ASTN1: variants seen among roughly 807,000 people sequenced by gnomAD.
The protein encoded by ASTN1 is astrotactin-1.
ASTN1 carries 41 observed loss-of-function variants against 140.7 expected under a neutral mutation model. The observed-to-expected ratio is 0.29, with a 90% CI of 0.23 to 0.38. The LOEUF is 0.38. Ranked by LOEUF, ASTN1 falls within the 10% of genes least tolerant of loss-of-function variation. The probability of loss-of-function intolerance (pLI) is 1.00; values close to 1 mark genes in which losing one functional copy is unlikely to be tolerated. For synonymous variants in ASTN1, 640 were observed against 652.2 expected (o/e 0.98, Z 0.29); for missense variants, 1,479 against 1,678.8 (o/e 0.88, Z 2.08).
At chr1:176,906,109 G>T (rs1354190264) in intron 16 of ASTN1, among the ~76,000 whole-genome samples, 1 of 152,216 alleles carries the variant, frequency 6.6e-6, no homozygotes, top group Non-Finnish European at 1.5e-5. Flanking sequence ...TTACCTCTGG[G>T]TGCCTCAAGC....
chr1:176,924,865 T>C (rs1670888998), intron 16 of ASTN1, among the ~76,000 whole-genome samples: 3 of 152,184 alleles, frequency 2.0e-5, no homozygotes, highest in South Asian at 2.1e-4. Flanking sequence ...CAGGTTAGGA[T>C]GCAAAACTCT....
rs1671910790 is a variant in ASTN1, at chr1:176,945,384, A to G, written c.2249+542T>C. Among the ~76,000 whole-genome samples the G allele has an allele frequency of 2.6e-5, 4 of 152,372 alleles. No homozygotes were observed. In the South Asian group the frequency reaches 8.3e-4, roughly 32 times the overall value. ...TAACATATTTTATAAAACATGAGAG[A>G]AGTAATATTTTATATTTTTTGCAAA... On this transcript the variant is annotated intron_variant, in intron 13 of 22. Transcript: ENST00000361833.
intron 2 of ASTN1, among the ~76,000 whole-genome samples, chr1:177,033,534 T>C (rs931687485): frequency 1.3e-5 from 2 of 152,174 alleles, no homozygotes; most frequent in Admixed American, 6.5e-5. Context: ...GGAAAAACCA[T>C]TGACAAATCT....
At chr1:176,925,099 C>T (rs909062378) in intron 16 of ASTN1, among the ~76,000 whole-genome samples, 4 of 152,270 alleles carry the variant, frequency 2.6e-5, no homozygotes, top group African/African-American at 9.6e-5. Context: ...TTCAATTCTG[C>T]ACATAAACTA....
chr1:177,041,339 A>T (rs941672094), intron 2 of ASTN1, among the ~76,000 whole-genome samples: 3 of 152,184 alleles, frequency 2.0e-5, no homozygotes, highest in African/African-American at 4.8e-5. Context: ...CATATAACCC[A>T]TGTGTATGGA....
rs147789014 is a variant in ASTN1, at chr1:176,986,244, A to G, written c.1524-21007T>C. Among the ~76,000 whole-genome samples the G allele has an allele frequency of 9.2e-3, 1,402 of 152,326 alleles. 27 individuals carry two copies. The highest frequency in any genetic ancestry group is 0.031 in the African/African-American group (1,273 of 41,558). The stretch of plus-strand genomic sequence containing the variant: ...AGGTCTAAATAAGAAATAACTGCAG[A>G]AAAGGGGTTCTGATCACTCCAGAGG... On this transcript the variant is annotated intron_variant, in intron 8 of 22. Transcript: ENST00000361833.
chr1:177,097,762 C>T (rs944953556), intron 1 of ASTN1, among the ~76,000 whole-genome samples: 1 of 152,032 alleles, frequency 6.6e-6, no homozygotes, highest in African/African-American at 2.4e-5. Context: ...CCACCCCAGA[C>T]CTTCAGTGAG....
chr1:177,000,479 A>C (rs1179874394), intron 8 of ASTN1, among the ~76,000 whole-genome samples: 1 of 152,208 alleles, frequency 6.6e-6, no homozygotes, highest in Admixed American at 6.5e-5. Context: ...TTTAGAAGAG[A>C]AGAGCCAGCA....
chr1:176,978,177 C>A (rs544383387), intron 8 of ASTN1, among the ~76,000 whole-genome samples: 27 of 152,180 alleles, frequency 1.8e-4, no homozygotes, highest in Admixed American at 1.6e-3. Context: ...TTACAAACAG[C>A]AAAGGTACCA....
intron 7 of ASTN1, among the ~76,000 whole-genome samples, chr1:177,020,667 T>G (rs915085024): frequency 2.0e-5 from 3 of 152,218 alleles, no homozygotes; most frequent in Non-Finnish European, 4.4e-5. Context: ...CATTCACAGG[T>G]CCTGGAGATG....
intron 1 of ASTN1, among the ~76,000 whole-genome samples, chr1:177,100,730 G>A (rs1680260213): frequency 6.6e-6 from 1 of 152,134 alleles, no homozygotes; most frequent in Non-Finnish European, 1.5e-5. Flanking sequence ...AGTATAAGTT[G>A]ATTACTGATG....
At chr1:176,955,286 C>T (rs1243967186) in intron 11 of ASTN1, among the ~76,000 whole-genome samples, 1 of 152,174 alleles carries the variant, frequency 6.6e-6, no homozygotes, top group Non-Finnish European at 1.5e-5. Context: ...CAAGGGACCA[C>T]TCTGCTGATA....
At chr1:177,004,123 T>C (rs1370950807) in intron 8 of ASTN1, among the ~76,000 whole-genome samples, 1 of 152,068 alleles carries the variant, frequency 6.6e-6, no homozygotes, top group African/African-American at 2.4e-5. Context: ...ACGAATTCAG[T>C]AAAGTCTAGG....
intron 9 of ASTN1, among the ~76,000 whole-genome samples, chr1:176,963,943 T>C (rs1672769477): frequency 6.6e-6 from 1 of 152,200 alleles, no homozygotes; most frequent in Non-Finnish European, 1.5e-5. Flanking sequence ...TTAGCTTCCC[T>C]GGGACAGACA....
chr1:176,953,781 C>T (rs1291379667), intron 11 of ASTN1, among the ~76,000 whole-genome samples: 1 of 152,074 alleles, frequency 6.6e-6, no homozygotes, highest in Admixed American at 6.6e-5. Flanking sequence ...CAAGGAAGGT[C>T]GTGTGTTCAA....
chr1:176,897,850 A>G (rs184252415), intron 16 of ASTN1, among the ~76,000 whole-genome samples: 3 of 152,270 alleles, frequency 2.0e-5, no homozygotes, highest in Non-Finnish European at 4.4e-5. Flanking sequence ...TCAAAGGGGA[A>G]GTAATATGCC....
intron 8 of ASTN1, among the ~76,000 whole-genome samples, chr1:176,993,417 A>G (rs1674282513): frequency 6.6e-6 from 1 of 152,202 alleles, no homozygotes; most frequent in African/African-American, 2.4e-5. Flanking sequence ...AAAAACAAGG[A>G]TGAGAACAGA....
intron 8 of ASTN1, among the ~76,000 whole-genome samples, chr1:176,997,612 A>G (rs776835622): frequency 5.9e-5 from 9 of 152,054 alleles, no homozygotes; most frequent in Non-Finnish European, 1.2e-4. Flanking sequence ...GACACTAGAA[A>G]TCTCACCAGT....
At chr1:177,013,314 A>T (rs537852102) in intron 8 of ASTN1, among the ~76,000 whole-genome samples, 1 of 152,086 alleles carries the variant, frequency 6.6e-6, no homozygotes, top group South Asian at 2.1e-4. Flanking sequence ...CCTTTCCCCA[A>T]CTGCATTTTC....
Sources: allele counts gnomAD v4.1 joint callset (sites outside exome capture counted in the v4.1 genomes callset), GRCh38; gene constraint gnomAD v4.1.1; transcripts MANE v1.5; gene names NCBI Gene and HGNC (gene_info 2026-07-23, HGNC 2026-07-21).